The following ACTA2 variants were observed in gnomAD, a reference collection of about 807,000 sequenced individuals.
ACTA2 encodes actin alpha 2, smooth muscle.
ACTA2 carries 12 observed loss-of-function variants against 39.5 expected under a neutral mutation model. The ratio of observed to expected loss-of-function variants is 0.30; its 90% CI spans 0.19 to 0.49. ACTA2 has a LOEUF of 0.49. Among genes scored for constraint, ACTA2 ranks in the 20% least tolerant of loss-of-function variants. The pLI, the probability that ACTA2 is intolerant of heterozygous loss-of-function variation, is 0.99. For synonymous variants in ACTA2, 158 were observed against 180.6 expected, an observed-to-expected ratio of 0.88 and a Z score of 1.00; for missense variants, 236 against 498.8, an observed-to-expected ratio of 0.47 and a Z score of 5.02.
At chr10:88,939,337 T>C in intron 7 of ACTA2, 170 bp downstream of exon 7, 5 of 816,954 alleles carry the variant, frequency 6.1e-6, no homozygotes, top group Non-Finnish European at 1.0e-5. Context: ...ACCTTTTTCC[T>C]GGCCTCATTA....
intron 1 of ACTA2, among the ~76,000 whole-genome samples, chr10:88,978,198 A>G (rs1362026262): frequency 3.1e-5 from 4 of 129,272 alleles, no homozygotes; most frequent in South Asian, 2.8e-4. Context: ...GAATTGAACA[A>G]TGAGATCACA....
upstream of ACTA2, among the ~76,000 whole-genome samples, chr10:88,954,790 T>C (rs1645097937): frequency 6.6e-6 from 1 of 152,128 alleles, no homozygotes; most frequent in African/African-American, 2.4e-5. Flanking sequence ...GAAAGACTTA[T>C]AATTGAAAAT....
intron 1 of ACTA2, among the ~76,000 whole-genome samples, chr10:88,949,425 A>T (rs1352296231): frequency 2.0e-5 from 3 of 152,204 alleles, no homozygotes; most frequent in African/African-American, 7.2e-5. Flanking sequence ...AAAAAGCTAG[A>T]TTTTTGAGGG....
rs1254006585 is a variant in ACTA2 at position 88,990,635 on chromosome 10, G to C, written c.-24+304C>G. 3 of 692,694 alleles carry C rather than the reference G, an allele frequency of 4.3e-6. No homozygotes were observed. The highest frequency in any genetic ancestry group is 7.9e-6 in the Non-Finnish European group (3 of 380,488). 42.9% of individuals were successfully genotyped at this position (692,694 alleles called of 1,614,324 possible). Reference sequence around the variant, plus strand: ...ATCCTCCTGACCACCGGGGCTTTTCGTGAGCTCGTCTCTGATCTCGCGCAA... The same window carrying C: ...ATCCTCCTGACCACCGGGGCTTTTCCTGAGCTCGTCTCTGATCTCGCGCAA... On this transcript the variant is annotated intron_variant, in intron 1 of 4. Coordinates refer to the ACTA2 transcript ENST00000415557. This position sits in a 1 kb window ranked among gnomAD's most constrained non-coding sequence, Gnocchi z 4.9.
At chr10:88,986,367 A>C (rs1487103038) in intron 1 of ACTA2, among the ~76,000 whole-genome samples, 1 of 152,238 alleles carries the variant, frequency 6.6e-6, no homozygotes, top group Non-Finnish European at 1.5e-5. Context: ...TGGATTAAGA[A>C]GCCAGGGCCC....
At chr10:88,953,297 GT>G (rs1369740385), upstream of ACTA2, among the ~76,000 whole-genome samples, 1 of 152,184 alleles carries the variant, frequency 6.6e-6, no homozygotes, top group East Asian at 1.9e-4. Flanking sequence ...TAGGCACACT[GT>G]TTATAAATCA....
At chr10:88,953,064 T>C (rs1007492653), upstream of ACTA2, among the ~76,000 whole-genome samples, 1 of 152,230 alleles carries the variant, frequency 6.6e-6, no homozygotes, top group Non-Finnish European at 1.5e-5. Flanking sequence ...GCTAGGGTAA[T>C]GGGCAGATGC....
rs760197490 is a variant in ACTA2, at chr10:88,990,735, CA to C, written c.-24+203del. ...TTTACGAGTGACTTGGCTGGAGCCT[CA>C]GGGGCGGGCACTGGCACGGAACACA... On this transcript the variant is annotated intron_variant, in intron 1 of 4. Coordinates refer to the ACTA2 transcript ENST00000415557. This position sits in a 1 kb window ranked among gnomAD's most constrained non-coding sequence, Gnocchi z 4.9. The C allele has an allele frequency of 1.7e-4, 165 of 980,548 alleles. No homozygotes were observed. The Admixed American group carries it at 2.1e-3, about 13-fold the overall frequency. 60.7% of individuals were successfully genotyped at this position (980,548 alleles called of 1,614,324 possible). A position where few individuals can be genotyped will look rare whatever the true frequency, so the allele number is the denominator to read the frequency against.
At chr10:88,983,424 T>G (rs1369203547) in intron 1 of ACTA2, among the ~76,000 whole-genome samples, 3 of 152,176 alleles carry the variant, frequency 2.0e-5, no homozygotes, top group Non-Finnish European at 2.9e-5. Context: ...TACATCTTGA[T>G]GATAAGGCCA....
Position 88,971,291 on chromosome 10 carries a change from A to G in ACTA2, c.-24+19648T>C, listed in dbSNP as rs151249912. Among the ~76,000 whole-genome samples, 502 of 152,362 alleles carry G rather than the reference A, an allele frequency of 3.3e-3. 4 individuals carry two copies. Among genetic ancestry groups the G allele is most frequent in the African/African-American group, 0.011 (478 of 41,586 alleles). On this transcript the variant is annotated intron_variant, in intron 1 of 4. Coordinates refer to the ACTA2 transcript ENST00000415557. ...ATGTATCTGTTTTTCATCCTCAAAG[A>G]GTTAACTTGATAAAATAAGTACAGC...
Position 88,990,832 on chromosome 10 carries a change from C to G in ACTA2, c.-24+107G>C. ...CGCGGGTTGGTGGACCCGCTCAGTACGGAGTTGGGGAAGCTCTTTCACTTC... is the reference window on the plus strand; with the variant it reads ...CGCGGGTTGGTGGACCCGCTCAGTAGGGAGTTGGGGAAGCTCTTTCACTTC... On this transcript the variant is annotated intron_variant, in intron 1 of 4. Transcript: ENST00000415557. This position sits in a 1 kb window ranked among gnomAD's most constrained non-coding sequence, Gnocchi z 4.9. 6.2e-7 allele frequency: 1 copy of G among 1,613,948 alleles called. No homozygotes were observed. Among genetic ancestry groups the G allele is most frequent in the Non-Finnish European group, 8.5e-7 (1 of 1,179,806 alleles).
rs908503704 is a variant in ACTA2 at position 88,986,345 on chromosome 10, G to A, written c.-24+4594C>T. Among the ~76,000 whole-genome samples, 9 of 152,288 alleles carry A rather than the reference G, an allele frequency of 5.9e-5. No individual in the cohort carries two copies. In the South Asian group the frequency reaches 1.7e-3, roughly 28 times the overall value. ...CACCATATGCAAAAATGTCAGGGGA[G>A]GGGTACTCAATTGGATTAAGAAGCC... On this transcript the variant is annotated intron_variant, in intron 1 of 4. Coordinates refer to the ACTA2 transcript ENST00000415557.
At chr10:88,969,689 C>A (rs557988352) in intron 1 of ACTA2, among the ~76,000 whole-genome samples, 2 of 152,256 alleles carry the variant, frequency 1.3e-5, no homozygotes, top group Non-Finnish European at 2.9e-5. Flanking sequence ...CCAACTATAT[C>A]TTTTCATATA....
chr10:88,939,706 C>G lies in ACTA2; in HGVS notation c.617-8G>C, dbSNP rs1845813087. ...GGACAATCTCACGCTCAGCTGTCAA[C>G]CAGATACAAACATTGTGGCAAACAT... On this transcript the variant is annotated splice_polypyrimidine_tract_variant and splice_region_variant and intron_variant, in intron 6 of 8. Coordinates refer to ENST00000224784, the MANE Select transcript of ACTA2 (RefSeq NM_001613.4). The G allele has an allele frequency of 6.2e-7, 1 of 1,613,766 alleles. No individual in the cohort carries two copies. The highest frequency in any genetic ancestry group is 1.3e-5 in the African/African-American group (1 of 74,938).
intron 4 of ACTA2, 74 bp from the exon 5 acceptor site, chr10:88,941,943 G>C (rs1845862739): frequency 9.5e-6 from 13 of 1,367,510 alleles, no homozygotes; most frequent in Non-Finnish European, 1.3e-5. Context: ...AGCACACCTG[G>C]TTGATGGATG....
At chr10:88,982,737 G>C (rs1846742101) in intron 1 of ACTA2, among the ~76,000 whole-genome samples, 1 of 152,116 alleles carries the variant, frequency 6.6e-6, no homozygotes, top group African/African-American at 2.4e-5. Context: ...TAAAAATTCA[G>C]CCTAAGCAGT....
At chr10:88,987,758 G>A (rs940382673) in intron 1 of ACTA2, among the ~76,000 whole-genome samples, 1 of 152,204 alleles carries the variant, frequency 6.6e-6, no homozygotes, top group Non-Finnish European at 1.5e-5. Context: ...CAATGCCACT[G>A]TGATGGTTAA....
intron 1 of ACTA2, among the ~76,000 whole-genome samples, chr10:88,960,678 A>G (rs754707240): frequency 8.1e-6 from 1 of 123,202 alleles, no homozygotes; most frequent in Non-Finnish European, 2.0e-5. Flanking sequence ...ACCATGACCC[A>G]TTGGCATGTA....
At chr10:88,948,367 A>G (rs1589399892) in intron 2 of ACTA2, 2 of 176,202 alleles carry the variant, frequency 1.1e-5, no homozygotes, top group East Asian at 2.6e-4. Flanking sequence ...TTTTGTTGAC[A>G]GGTAATATTA....
Sources: allele counts gnomAD v4.1 joint callset (sites outside exome capture counted in the v4.1 genomes callset), GRCh38; gene constraint gnomAD v4.1.1; non-coding constraint Gnocchi (gnomAD v3.1); transcripts MANE v1.5; gene names NCBI Gene and HGNC (gene_info 2026-07-23, HGNC 2026-07-21).